CDKN2B-AS1: variants seen among roughly 807,000 people sequenced by gnomAD.
The protein encoded by CDKN2B-AS1 is CDKN2B and CDKN2A antisense cis and trans regulatory RNA 1.
At chr9:22,100,588 T>C (rs962473986) in intron 4 of CDKN2B-AS1, among the ~76,000 whole-genome samples, 1 of 152,248 alleles carries the variant, frequency 6.6e-6, no homozygotes, top group Non-Finnish European at 1.5e-5. Flanking sequence ...CAGCCGTTTT[T>C]GCTTTTTGAC....
At chr9:22,078,866 G>A (rs1159472969) in intron 4 of CDKN2B-AS1, among the ~76,000 whole-genome samples, 1 of 152,178 alleles carries the variant, frequency 6.6e-6, no homozygotes, top group Admixed American at 6.5e-5. Flanking sequence ...TTGCTTAAGA[G>A]AGGAGCCATG....
chr9:22,099,008 C>T (rs1246163896), intron 4 of CDKN2B-AS1, among the ~76,000 whole-genome samples: 2 of 152,128 alleles, frequency 1.3e-5, no homozygotes, highest in African/African-American at 4.8e-5. Context: ...GCAAGAAGTG[C>T]TTTTGATGGA....
chr9:22,009,344 C>G (rs1172603208), intron 1 of CDKN2B-AS1: 1 of 389,692 alleles, frequency 2.6e-6, no homozygotes, highest in African/African-American at 2.1e-5. Context: ...TTCAGCTGGG[C>G]CAAGGGGCCG....
At chr9:22,113,894 A>T (rs930358929) in intron 4 of CDKN2B-AS1, 1 of 152,214 alleles carries the variant, frequency 6.6e-6, no homozygotes, top group Non-Finnish European at 1.5e-5. Context: ...TTTTCTAATT[A>T]TGCAAGACCT....
chr9:22,055,301 A>G (rs1444042346), intron 3 of CDKN2B-AS1, among the ~76,000 whole-genome samples: 1 of 152,166 alleles, frequency 6.6e-6, no homozygotes, highest in Non-Finnish European at 1.5e-5. Flanking sequence ...CTCTCTTAGC[A>G]ATTTTTAATA....
chr9:22,028,908 C>T (rs1282218950), intron 1 of CDKN2B-AS1, among the ~76,000 whole-genome samples: 1 of 152,040 alleles, frequency 6.6e-6, no homozygotes, highest in Non-Finnish European at 1.5e-5. Flanking sequence ...GACAATACCA[C>T]CATATTACTA....
intron 4 of CDKN2B-AS1, among the ~76,000 whole-genome samples, chr9:22,123,751 T>G (rs1826140114): frequency 6.6e-6 from 1 of 152,186 alleles, no homozygotes; most frequent in African/African-American, 2.4e-5. Flanking sequence ...GATTTATCTG[T>G]GTTGTTCCAG....
intron 1 of CDKN2B-AS1, among the ~76,000 whole-genome samples, chr9:22,027,264 A>T (rs1323641221): frequency 1.3e-5 from 2 of 151,162 alleles, no homozygotes; most frequent in Non-Finnish European, 2.9e-5. Flanking sequence ...TTTTACATTT[A>T]TTTACATTGT....
At chr9:22,110,726 T>A (rs1825785011) in intron 4 of CDKN2B-AS1, among the ~76,000 whole-genome samples, 1 of 152,150 alleles carries the variant, frequency 6.6e-6, no homozygotes, top group African/African-American at 2.4e-5. Context: ...CTCTCATTTT[T>A]AAAAAATACC....
intron 4 of CDKN2B-AS1, chr9:22,119,685 A>T (rs1419849106): frequency 1.3e-5 from 2 of 152,250 alleles, no homozygotes; most frequent in African/African-American, 4.8e-5. Flanking sequence ...TTCAGGGCGC[A>T]TTTGACATAC....
intron 1 of CDKN2B-AS1, among the ~76,000 whole-genome samples, chr9:22,019,803 C>A (rs1821941575): frequency 6.6e-6 from 1 of 151,964 alleles, no homozygotes; most frequent in African/African-American, 2.4e-5. Flanking sequence ...ATTTACTTTC[C>A]TTCAGAAAAA....
At chr9:22,042,165 G>T (rs1301400767) in intron 1 of CDKN2B-AS1, among the ~76,000 whole-genome samples, 1 of 152,000 alleles carries the variant, frequency 6.6e-6, no homozygotes, top group Admixed American at 6.6e-5. Flanking sequence ...GTGAATTTGG[G>T]CTTCAGAAGT....
At chr9:22,060,673 A>C (rs1823778724) in intron 4 of CDKN2B-AS1, among the ~76,000 whole-genome samples, 1 of 152,176 alleles carries the variant, frequency 6.6e-6, no homozygotes, top group Non-Finnish European at 1.5e-5. Flanking sequence ...GTCTGTTTTC[A>C]TGCTGCTGAT....
intron 4 of CDKN2B-AS1, among the ~76,000 whole-genome samples, chr9:22,096,034 G>A (rs572428970): frequency 6.6e-6 from 1 of 152,070 alleles, no homozygotes; most frequent in South Asian, 2.1e-4. Flanking sequence ...TCCCCCGTGG[G>A]TCAAATCTAA....
At chr9:22,074,686 T>G (rs1368970507) in intron 4 of CDKN2B-AS1, among the ~76,000 whole-genome samples, 1 of 152,216 alleles carries the variant, frequency 6.6e-6, no homozygotes, top group African/African-American at 2.4e-5. Context: ...ATGCTTTTCT[T>G]GCACTTTACT....
At chr9:22,055,183 G>T (rs1335118100) in intron 3 of CDKN2B-AS1, among the ~76,000 whole-genome samples, 1 of 152,148 alleles carries the variant, frequency 6.6e-6, no homozygotes, top group Non-Finnish European at 1.5e-5. Flanking sequence ...ATTGTGTACA[G>T]TGGAATGTTT....
intron 1 of CDKN2B-AS1, among the ~76,000 whole-genome samples, chr9:22,015,735 C>T (rs985345059): frequency 5.3e-5 from 8 of 152,108 alleles, no homozygotes; most frequent in African/African-American, 1.9e-4. Flanking sequence ...TGCGCTGCAC[C>T]GACTAACTCA....
chr9:22,023,198 A>G (rs998917921), intron 1 of CDKN2B-AS1, among the ~76,000 whole-genome samples: 7 of 152,148 alleles, frequency 4.6e-5, no homozygotes, highest in African/African-American at 1.7e-4. Context: ...GTTCTCATGG[A>G]TGATATTTTA....
chr9:22,117,064 A>G (rs1366190737), intron 4 of CDKN2B-AS1, among the ~76,000 whole-genome samples: 12 of 152,218 alleles, frequency 7.9e-5, no homozygotes. Context: ...TTATTTTATT[A>G]TGAAGAAAAA....
Sources: gnomAD v4.1 joint callset for allele counts (sites outside exome capture counted in the v4.1 genomes callset) on GRCh38, gnomAD v4.1.1 for gene constraint, MANE v1.5 for transcripts, NCBI Gene and HGNC (gene_info 2026-07-23, HGNC 2026-07-21) for gene names.